MAP1LC3B: variants seen among roughly 807,000 people sequenced by gnomAD.
The protein encoded by MAP1LC3B is microtubule associated protein 1 light chain 3 beta, also known as microtubule-associated protein 1 light chain 3 beta.
MAP1LC3B carries 12 observed loss-of-function variants against 16.7 expected under a neutral mutation model. The ratio of observed to expected loss-of-function variants is 0.72; its 90% CI spans 0.46 to 1.16. MAP1LC3B has a LOEUF of 1.16. Ranked by LOEUF, MAP1LC3B falls within the 50% of genes most tolerant of loss-of-function variation. The pLI is 0.00. For synonymous variants in MAP1LC3B, 63 were observed against 56.5 expected (o/e 1.11, Z -0.51); for missense variants, 155 against 159.5 (o/e 0.97, Z 0.15).
chr16:87,402,324 ACTT>A (rs1908023351), intron 3 of MAP1LC3B, 43 bp downstream of exon 3: 3 of 1,554,522 alleles, frequency 1.9e-6, no homozygotes, highest in African/African-American at 1.4e-5. Flanking sequence ...CCTTTGAGTA[ACTT>A]CTTATTCTTT....
chr16:87,402,448 A>G, intron 3 of MAP1LC3B, 167 bp downstream of exon 3: 1 of 688,752 alleles, frequency 1.5e-6, no homozygotes, highest in Non-Finnish European at 2.3e-6. Flanking sequence ...CTTAAACTAT[A>G]AAATGTTTCT....
At position 87,392,383 on chromosome 16, in the gene MAP1LC3B, G is replaced by A. The variant is rs1375772717; in HGVS notation, c.-45G>A. The A allele has an allele frequency of 2.1e-6, 3 of 1,405,004 alleles. No homozygotes were observed. The highest frequency in any genetic ancestry group is 1.5e-5 in the African/African-American group (1 of 65,694). 87.0% of individuals were successfully genotyped at this position (1,405,004 alleles called of 1,614,324 possible). A position where few individuals can be genotyped will look rare whatever the true frequency, so the allele number is the denominator to read the frequency against. On this transcript the variant is annotated 5_prime_UTR_variant, in exon 1 of 4. Coordinates refer to ENST00000268607, the MANE Select transcript of MAP1LC3B (RefSeq NM_022818.5). ...CAGCCGCCGCCCCCGGGAGCCGCCG[G>A]GACCCTCGCGTCGTCGCCGCCGCCG...
In MAP1LC3B at chr16:87,402,591, A is replaced by G. The variant is rs142358722; in HGVS notation, c.203+310A>G. ...TTGTACAGCAAAGCTAGTTAAAGAGAATGTAGACTCTGTGAGTGGCAGTAA... is the reference window on the plus strand; with the variant it reads ...TTGTACAGCAAAGCTAGTTAAAGAGGATGTAGACTCTGTGAGTGGCAGTAA... On this transcript the variant is annotated intron_variant, in intron 3 of 3. Coordinates refer to ENST00000268607, the MANE Select transcript of MAP1LC3B (RefSeq NM_022818.5). The G allele has an allele frequency of 8.2e-3, 4,405 of 535,784 alleles. 34 individuals carry two copies. Among genetic ancestry groups the G allele is most frequent in the Non-Finnish European group, 0.012 (3,716 of 306,246 alleles). The allele number at this position is 535,784 out of a possible 1,614,324, so 33.2% of individuals were successfully genotyped here. A position where few individuals can be genotyped will look rare whatever the true frequency, so the allele number is the denominator to read the frequency against.
chr16:87,396,540 G>A (rs1907813404), intron 1 of MAP1LC3B, among the ~76,000 whole-genome samples: 1 of 152,012 alleles, frequency 6.6e-6, no homozygotes, highest in African/African-American at 2.4e-5. Flanking sequence ...ATTAGGATAA[G>A]CTTTTAAATG....
At position 87,404,338 on chromosome 16, in the gene MAP1LC3B, G is replaced by A. The variant is rs1908100853; in HGVS notation, c.*1241G>A. ...AATTACACCACTTTAGACCCTATGT[G>A]TAGCAGGTCACAACTTACCCTTGTG... On this transcript the variant is annotated 3_prime_UTR_variant, in exon 4 of 4. Transcript: ENST00000268607. 6.6e-6 allele frequency: 1 copy of A among 152,156 alleles called. No individual in the cohort carries two copies. 9.4% of individuals were successfully genotyped at this position (152,156 alleles called of 1,614,324 possible). A position where few individuals can be genotyped will look rare whatever the true frequency, so the allele number is the denominator to read the frequency against.
intron 1 of MAP1LC3B, among the ~76,000 whole-genome samples, chr16:87,395,851 C>CTT (rs1907779644): frequency 2.0e-5 from 2 of 100,128 alleles, no homozygotes; most frequent in Non-Finnish European, 4.0e-5. Flanking sequence ...TTCCTTCTTT[C>CTT]CTTTTTTTTT....
rs8043569 is a variant in MAP1LC3B, at chr16:87,392,422, T to A, written c.-6T>A. 6 of 1,428,624 alleles carry A rather than the reference T, an allele frequency of 4.2e-6. No individual in the cohort carries two copies. Among genetic ancestry groups the A allele is most frequent in the Non-Finnish European group, 3.6e-6 (4 of 1,100,274 alleles). The allele number at this position is 1,428,624 out of a possible 1,614,324, so 88.5% of individuals were successfully genotyped here. A position where few individuals can be genotyped will look rare whatever the true frequency, so the allele number is the denominator to read the frequency against. ...TCGCCGCCGCCGCCGCCCAGATCCC[T>A]GCACCATGCCGTCGGAGAAGACCTT... On this transcript the variant is annotated 5_prime_UTR_variant, in exon 1 of 4. Transcript: ENST00000268607.
At position 87,403,022 on chromosome 16, in the gene MAP1LC3B, T is replaced by A. The variant is rs564990322; in HGVS notation, c.303T>A (p.Ser101Arg). 7 of 1,613,656 alleles carry A rather than the reference T, an allele frequency of 4.3e-6. No homozygotes were observed. The Admixed American group carries it at 1.2e-4, about 27-fold the overall frequency. Residue 101 changes from serine to arginine, a missense_variant, in exon 4 of 4, where the codon AGT becomes AGA. Transcript: ENST00000268607. ...CACCAATCTCAGAGGTGTATGAGAG[T>A]GAGAAAGATGAAGATGGATTCCTGT... ...VSTPISEVYE[S>R]EKDEDGFLYM... is the part of the protein sequence containing the mutation.
In MAP1LC3B at chr16:87,403,162, T is replaced by C. The variant is rs1908058405; in HGVS notation, c.*65T>C. The C allele has an allele frequency of 2.6e-6, 4 of 1,546,812 alleles. No homozygotes were observed. The highest frequency in any genetic ancestry group is 2.6e-6 in the Non-Finnish European group (3 of 1,146,440). On this transcript the variant is annotated 3_prime_UTR_variant, in exon 4 of 4. Coordinates refer to ENST00000268607, the MANE Select transcript of MAP1LC3B (RefSeq NM_022818.5). The stretch of plus-strand genomic sequence containing the variant: ...CTTACCAAGGAAAAAAAAGGGATGT[T>C]ACCAACTGAGATCGATCAGTTCATC...
chr16:87,395,328 G>C (rs925372504), intron 1 of MAP1LC3B, among the ~76,000 whole-genome samples: 1 of 152,164 alleles, frequency 6.6e-6, no homozygotes, highest in African/African-American at 2.4e-5. Flanking sequence ...TCATTCAGTT[G>C]TTGATGAACT....
At chr16:87,398,962 C>A in intron 2 of MAP1LC3B, 92 bp downstream of exon 2, 1 of 1,104,138 alleles carries the variant, frequency 9.1e-7, no homozygotes, top group Non-Finnish European at 1.4e-6. Context: ...TTACAGGAAT[C>A]ACCAGACAGC....
chr16:87,396,150 C>G (rs542998802), intron 1 of MAP1LC3B, among the ~76,000 whole-genome samples: 1 of 151,646 alleles, frequency 6.6e-6, no homozygotes, highest in Non-Finnish European at 1.5e-5. Context: ...CGTGAGCCAC[C>G]GCACCCAGCC....
At chr16:87,398,184 G>C (rs535081751) in intron 1 of MAP1LC3B, among the ~76,000 whole-genome samples, 1 of 151,900 alleles carries the variant, frequency 6.6e-6, no homozygotes, top group Non-Finnish European at 1.5e-5. Flanking sequence ...CATCACGCCC[G>C]GCTAATTTTT....
intron 1 of MAP1LC3B, chr16:87,392,906 C>T (rs889166683): frequency 1.2e-4 from 18 of 152,198 alleles, no homozygotes; most frequent in African/African-American, 4.3e-4. Context: ...CCGTTCGGCT[C>T]TGAAGCGGGG....
rs1908117837 is a variant in MAP1LC3B, at chr16:87,404,693, T to C, written c.*1596T>C. ...ATGCTGAGGGGTGACCTATATCCCA[T>C]GTGAGTGGTCACTTTATTTATAGGA... On this transcript the variant is annotated 3_prime_UTR_variant, in exon 4 of 4. Transcript: ENST00000268607. The C allele has an allele frequency of 6.6e-6, 1 of 152,208 alleles. No individual in the cohort carries two copies. The highest frequency in any genetic ancestry group is 1.5e-5 in the Non-Finnish European group (1 of 68,028). 9.4% of individuals were successfully genotyped at this position (152,208 alleles called of 1,614,324 possible). A position where few individuals can be genotyped will look rare whatever the true frequency, so the allele number is the denominator to read the frequency against.
At chr16:87,395,661 C>T (rs1907772537) in intron 1 of MAP1LC3B, among the ~76,000 whole-genome samples, 1 of 152,116 alleles carries the variant, frequency 6.6e-6, no homozygotes, top group Non-Finnish European at 1.5e-5. Flanking sequence ...TAAGATGCTC[C>T]TATGGGACTT....
chr16:87,402,526 T>C (rs1439617459), intron 3 of MAP1LC3B: 1 of 562,354 alleles, frequency 1.8e-6, no homozygotes, highest in Non-Finnish European at 3.1e-6. Flanking sequence ...ATCGTTTAGA[T>C]GTTTCCTGTT....
intron 1 of MAP1LC3B, chr16:87,393,072 GTGTTGCCAGTTCCTGTC>G (rs1907661438): frequency 6.6e-6 from 1 of 152,404 alleles, no homozygotes. Context: ...GCCCACAGCG[GTGTTGCCAGTTCCTGTC>G]TGTAGCCCAG....
chr16:87,398,664 C>T (rs527627553), intron 1 of MAP1LC3B, 151 bp from the exon 2 acceptor site: 4 of 683,958 alleles, frequency 5.8e-6, no homozygotes, highest in African/African-American at 3.6e-5. Context: ...TTGAAGTGTT[C>T]GTGTTTTGTT....
Sources: gnomAD v4.1 joint callset for allele counts (sites outside exome capture counted in the v4.1 genomes callset) on GRCh38, gnomAD v4.1.1 for gene constraint, MANE v1.5 for transcripts, NCBI Gene and HGNC (gene_info 2026-07-23, HGNC 2026-07-21) for gene names.